The following DSCAM variants were observed in gnomAD, a reference collection of about 807,000 sequenced individuals.
The protein encoded by DSCAM is cell adhesion molecule DSCAM.
In DSCAM, 47 loss-of-function variants were observed where a neutral mutation model predicts 217.7. The ratio of observed to expected loss-of-function variants is 0.22; its 90% CI spans 0.17 to 0.28. The LOEUF is 0.28. Ranked by LOEUF, DSCAM falls within the 10% of genes least tolerant of loss-of-function variation. The pLI, the probability that DSCAM is intolerant of heterozygous loss-of-function variation, is 1.00. For synonymous variants in DSCAM, 1,056 were observed against 1,015.3 expected (o/e 1.04, Z -0.76); for missense variants, 2,080 against 2,618.3 (o/e 0.79, Z 4.49).
intron 1 of DSCAM, among the ~76,000 whole-genome samples, chr21:40,828,737 C>A (rs1455926317): frequency 6.7e-6 from 1 of 149,886 alleles, no homozygotes; most frequent in African/African-American, 2.5e-5. Flanking sequence ...CTCACTGCAA[C>A]CTCCGCCTTC....
Position 40,452,350 on chromosome 21 carries a change from G to A in DSCAM, c.509-83105C>T, listed in dbSNP as rs76084344. On this transcript the variant is annotated intron_variant, in intron 3 of 32. Transcript: ENST00000400454. ...AATAAAAAACTGAGTATTCAAATCT[G>A]ATTTCTGAACAATTACACCTTTTAC... Among the ~76,000 whole-genome samples, 6 of 151,738 alleles carry A rather than the reference G, an allele frequency of 4.0e-5. No homozygotes were observed. The East Asian group carries it at 1.2e-3, about 29-fold the overall frequency.
chr21:40,540,729 T>A (rs765201216), intron 3 of DSCAM, among the ~76,000 whole-genome samples: 16 of 152,116 alleles, frequency 1.1e-4, no homozygotes, highest in Non-Finnish European at 1.9e-4. Context: ...AGCTCCCCCA[T>A]CCCTCCCAGC....
chr21:40,135,343 C>T (rs2146694153), intron 18 of DSCAM, among the ~76,000 whole-genome samples: 1 of 152,368 alleles, frequency 6.6e-6, no homozygotes, highest in East Asian at 1.9e-4. Flanking sequence ...GCATGCCTGC[C>T]TAGGTGCCAG....
chr21:40,438,612 T>C (rs1003592869), intron 3 of DSCAM, among the ~76,000 whole-genome samples: 1 of 152,218 alleles, frequency 6.6e-6, no homozygotes, highest in African/African-American at 2.4e-5. Context: ...TTGCTGGTAA[T>C]AGGCACACAG....
chr21:40,254,406 T>C (rs1044821316), intron 11 of DSCAM, among the ~76,000 whole-genome samples: 5 of 152,214 alleles, frequency 3.3e-5, no homozygotes, highest in African/African-American at 9.7e-5. Context: ...AAATTTAAAC[T>C]GATTCATTAT....
intron 20 of DSCAM, among the ~76,000 whole-genome samples, chr21:40,106,257 G>A (rs367552125): frequency 1.7e-4 from 26 of 152,230 alleles, no homozygotes; most frequent in Middle Eastern, 6.8e-3. Context: ...ACCTTCCACC[G>A]GGTCTTTCCC....
intron 1 of DSCAM, among the ~76,000 whole-genome samples, chr21:40,793,022 A>G (rs2091660330): frequency 2.0e-5 from 3 of 152,256 alleles, no homozygotes; most frequent in South Asian, 2.1e-4. Context: ...GGTAAAATAC[A>G]TAGGCCACAT....
chr21:40,030,708 A>G (rs1373950187), intron 32 of DSCAM, among the ~76,000 whole-genome samples: 1 of 152,184 alleles, frequency 6.6e-6, no homozygotes, highest in African/African-American at 2.4e-5. Flanking sequence ...GGCATGTGCT[A>G]ATCCTGATTT....
At chr21:40,110,317 G>A (rs2089879582) in intron 20 of DSCAM, among the ~76,000 whole-genome samples, 1 of 152,158 alleles carries the variant, frequency 6.6e-6, no homozygotes, top group South Asian at 2.1e-4. Flanking sequence ...GTCTGGAGAG[G>A]ACCTCCAGCA....
chr21:40,143,530 G>A (rs746384242), intron 17 of DSCAM, among the ~76,000 whole-genome samples: 14 of 152,174 alleles, frequency 9.2e-5, no homozygotes, highest in Non-Finnish European at 1.3e-4. Flanking sequence ...GGTGGCTCAC[G>A]CCTCTAATCC....
At chr21:40,039,442 G>A (rs1284234335) in intron 32 of DSCAM, among the ~76,000 whole-genome samples, 3 of 152,026 alleles carry the variant, frequency 2.0e-5, no homozygotes, top group African/African-American at 7.2e-5. Flanking sequence ...TTAACCAGTT[G>A]GTTTTGTTGT....
intron 1 of DSCAM, among the ~76,000 whole-genome samples, chr21:40,803,804 C>G (rs1267018795): frequency 6.6e-6 from 1 of 152,102 alleles, no homozygotes; most frequent in Non-Finnish European, 1.5e-5. Flanking sequence ...ATACCTGTGT[C>G]TGGACCGTTG....
intron 1 of DSCAM, among the ~76,000 whole-genome samples, chr21:40,795,190 C>A (rs1443217346): frequency 6.6e-6 from 1 of 152,222 alleles, no homozygotes; most frequent in Non-Finnish European, 1.5e-5. Flanking sequence ...TCCACAATTG[C>A]CTGGACTGAT....
intron 20 of DSCAM, among the ~76,000 whole-genome samples, chr21:40,105,462 T>C (rs547209745): frequency 1.3e-5 from 2 of 152,256 alleles, no homozygotes; most frequent in African/African-American, 4.8e-5. Context: ...CTTGTGACAG[T>C]GAGTGAGTTC....
chr21:40,728,411 AAATG>A, intron 1 of DSCAM, among the ~76,000 whole-genome samples: 1 of 151,298 alleles, frequency 6.6e-6, no homozygotes, highest in South Asian at 2.1e-4. Context: ...CATTCACTAT[AAATG>A]ATTCTTTTTT....
intron 32 of DSCAM, among the ~76,000 whole-genome samples, chr21:40,021,225 AAG>A (rs2088264890): frequency 6.7e-6 from 1 of 149,672 alleles, no homozygotes. Context: ...AAAAAAAAAA[AAG>A]AAAAGAAACA....
intron 3 of DSCAM, among the ~76,000 whole-genome samples, chr21:40,378,279 T>C (rs560771557): frequency 5.3e-5 from 8 of 152,338 alleles, no homozygotes; most frequent in African/African-American, 1.9e-4. Context: ...GAGAGATTCT[T>C]TTCATACAGG....
intron 3 of DSCAM, among the ~76,000 whole-genome samples, chr21:40,565,250 AT>A (rs1243306600): frequency 6.6e-6 from 1 of 152,158 alleles, no homozygotes; most frequent in African/African-American, 2.4e-5. Context: ...TTGAGCAGCC[AT>A]TTAGGGAAAT....
chr21:40,709,544 G>A (rs976825318), intron 1 of DSCAM, among the ~76,000 whole-genome samples: 5 of 152,016 alleles, frequency 3.3e-5, no homozygotes, highest in Admixed American at 6.5e-5. Context: ...CTGTGTCCAC[G>A]TGTTCTCATT....
Sources: gnomAD v4.1 joint callset for allele counts (sites outside exome capture counted in the v4.1 genomes callset) on GRCh38, gnomAD v4.1.1 for gene constraint, MANE v1.5 for transcripts, NCBI Gene and HGNC (gene_info 2026-07-23, HGNC 2026-07-21) for gene names.